Variants in ACSL6 observed in about 807,000 individuals in gnomAD.
The protein encoded by ACSL6 is long-chain-fatty-acid--CoA ligase 6.
In ACSL6, 47 loss-of-function variants were observed where a neutral mutation model predicts 98.2. The ratio of observed to expected loss-of-function variants is 0.48; its 90% CI spans 0.38 to 0.61. The LOEUF (loss-of-function observed/expected upper bound fraction) is 0.61, where lower values mean the gene tolerates loss of function less well. Among genes scored for constraint, ACSL6 ranks in the 20% least tolerant of loss-of-function variants. The probability of loss-of-function intolerance (pLI) is 0.00; values close to 1 mark genes in which losing one functional copy is unlikely to be tolerated. For synonymous variants in ACSL6, 362 were observed against 336.9 expected, an observed-to-expected ratio of 1.07 and a Z score of -0.82; for missense variants, 761 against 913.4, an observed-to-expected ratio of 0.83 and a Z score of 2.15.
At chr5:132,008,271 C>T (rs1475757919) in intron 1 of ACSL6, among the ~76,000 whole-genome samples, 1 of 152,184 alleles carries the variant, frequency 6.6e-6, no homozygotes, top group African/African-American at 2.4e-5. Context: ...CTAATGGGAG[C>T]CCAGAGTGGG....
chr5:131,981,107 C>T (rs1376401532), intron 9 of ACSL6, among the ~76,000 whole-genome samples: 1 of 152,158 alleles, frequency 6.6e-6, no homozygotes, highest in Non-Finnish European at 1.5e-5. Context: ...CATCTCCTCC[C>T]TGGTACTTGG....
Position 131,988,096 on chromosome 5 carries a change from C to G in ACSL6, c.783G>C (p.Glu261Asp). The G allele has an allele frequency of 6.2e-7, 1 of 1,614,212 alleles. No individual in the cohort carries two copies. The highest frequency in any genetic ancestry group is 8.5e-7 in the Non-Finnish European group (1 of 1,180,036). The part of the protein sequence containing the change: ...LMDPFEEALK[E>D]RGQKCGVVIK... ...TGACCACCCCGCACTTCTGCCCTCT[C>G]TCTTTCAGGGCTTCTTCGAATGGGT... Residue 261 changes from glutamate to aspartate, a missense_variant, in exon 7 of 21, where the codon GAG (glutamate) becomes GAC (aspartate). Coordinates refer to ENST00000651883, the MANE Select transcript of ACSL6 (RefSeq NM_001009185.3).
Position 131,952,743 on chromosome 5 carries a change from G to T in ACSL6, c.*1491C>A, listed in dbSNP as rs79565098. ...GGGTGCATCTAAATACATAATGCAAGAAAGGAGGTTTTAGTGGTTAAACTT... is the reference window on the plus strand; with the variant it reads ...GGGTGCATCTAAATACATAATGCAATAAAGGAGGTTTTAGTGGTTAAACTT... On this transcript the variant is annotated 3_prime_UTR_variant, in exon 21 of 21. Transcript: ENST00000651883. 3,206 of 217,650 alleles carry T rather than the reference G, an allele frequency of 0.015. 58 individuals carry two copies. The highest frequency in any genetic ancestry group is 0.045 in the African/African-American group (2,017 of 44,524). The allele number at this position is 217,650 out of a possible 1,614,324, so 13.5% of individuals were successfully genotyped here. A position where few individuals can be genotyped will look rare whatever the true frequency, so the allele number is the denominator to read the frequency against.
rs57391438 is a variant in ACSL6, at chr5:131,989,583, C to CTT, written c.451-77_451-76dup. 254 of 180,586 alleles carry CTT rather than the reference C, an allele frequency of 1.4e-3. 4 individuals are homozygous for CTT. Among genetic ancestry groups the CTT allele is most frequent in the African/African-American group, 5.5e-3 (82 of 14,994 alleles). The allele number at this position is 180,586 out of a possible 1,614,324, so 11.2% of individuals were successfully genotyped here. A position where few individuals can be genotyped will look rare whatever the true frequency, so the allele number is the denominator to read the frequency against. On this transcript the variant is annotated intron_variant, in intron 4 of 20. Coordinates refer to ENST00000651883, the MANE Select transcript of ACSL6 (RefSeq NM_001009185.3). ...GGGAAGGAGATCCCCAGGAGGAATTCTTTTTTTTTTTTTTTTTTTTTTTTT... is the reference window on the plus strand; with the variant it reads ...GGGAAGGAGATCCCCAGGAGGAATTCTTTTTTTTTTTTTTTTTTTTTTTTTTT...
intron 20 of ACSL6, 25 bp from the exon 21 acceptor site, chr5:131,954,396 C>A (rs1326188952): frequency 2.5e-6 from 4 of 1,607,732 alleles, no homozygotes; most frequent in Admixed American, 1.7e-5. Flanking sequence ...CAGAAAACAT[C>A]TTTAACAGGA....
chr5:131,996,554 G>A (rs1036790499), intron 1 of ACSL6, among the ~76,000 whole-genome samples: 1 of 152,182 alleles, frequency 6.6e-6, no homozygotes, highest in Non-Finnish European at 1.5e-5. Context: ...TGCCTAGCAC[G>A]AGGGCTCAGC....
chr5:131,989,755 GGC>G (rs925468353), intron 4 of ACSL6, among the ~76,000 whole-genome samples: 8 of 152,014 alleles, frequency 5.3e-5, no homozygotes, highest in Admixed American at 3.9e-4. Context: ...CACCACACCT[GGC>G]TAATTTTTTG....
At chr5:131,986,991 A>ACACACACAC (rs1304705385) in intron 7 of ACSL6, 137 bp from the exon 8 acceptor site, 22 of 769,954 alleles carry the variant, frequency 2.9e-5, no homozygotes, top group African/African-American at 1.4e-4. Context: ...TCACACACAC[A>ACACACACAC]CACACACACC....
intron 16 of ACSL6, 82 bp downstream of exon 16, chr5:131,967,858 A>C: frequency 7.7e-7 from 1 of 1,290,402 alleles, no homozygotes; most frequent in South Asian, 1.3e-5. Flanking sequence ...AGGCAAAAGG[A>C]AAATCATTCC....
Position 131,976,577 on chromosome 5 carries a change from T to TA in ACSL6, c.990+70dup, listed in dbSNP as rs982994501. 584 of 1,256,836 alleles carry TA rather than the reference T, an allele frequency of 4.6e-4. 2 individuals are homozygous for TA. Among genetic ancestry groups the TA allele is most frequent in the Non-Finnish European group, 5.6e-4 (501 of 896,410 alleles). The allele number at this position is 1,256,836 out of a possible 1,614,324, so 77.9% of individuals were successfully genotyped here. Reference sequence around the variant, plus strand: ...AAAAAAGAAAAAGAAAACAAACAAATAAAAAAAAATCCTCTGAGGCTTGAG... The same window carrying TA: ...AAAAAAGAAAAAGAAAACAAACAAATAAAAAAAAAATCCTCTGAGGCTTGAG... On this transcript the variant is annotated intron_variant, in intron 10 of 20. Coordinates refer to ENST00000651883, the MANE Select transcript of ACSL6 (RefSeq NM_001009185.3).
chr5:131,972,297 T>C (rs1753352515), intron 13 of ACSL6, among the ~76,000 whole-genome samples: 1 of 152,120 alleles, frequency 6.6e-6, no homozygotes. Context: ...GTGTGGGAGA[T>C]ACTAAAGGGA....
intron 19 of ACSL6, 82 bp downstream of exon 19, chr5:131,960,438 G>T (rs1393004745): frequency 1.7e-6 from 2 of 1,154,532 alleles, no homozygotes; most frequent in Non-Finnish European, 2.4e-6. Flanking sequence ...AATTTCACTG[G>T]TCTACAACTT....
In ACSL6 at chr5:131,976,741, A is replaced by G; in HGVS notation, c.917-20T>C. 6.2e-7 allele frequency: 1 copy of G among 1,612,042 alleles called. No homozygotes were observed. The highest frequency in any genetic ancestry group is 8.5e-7 in the Non-Finnish European group (1 of 1,178,116). ...GGTTCCCTATAAAAAGAAAGCAAGA[A>G]GTCAAATTAGTTGGAAACTCAAGGG... On this transcript the variant is annotated intron_variant, in intron 9 of 20. Transcript: ENST00000651883.
chr5:132,011,432 C>A lies in ACSL6; in HGVS notation c.49+73G>T. On this transcript the variant is annotated intron_variant, in intron 1 of 20. Coordinates refer to ENST00000651883, the MANE Select transcript of ACSL6 (RefSeq NM_001009185.3). This position sits in a 1 kb window ranked among gnomAD's most constrained non-coding sequence, Gnocchi z 5.4. ...GCTCGGCGGCCGCGGAGATGTAACA[C>A]CTCCACCTCGGGCGAAGACCTCATA... 2 of 1,502,838 alleles carry A rather than the reference C, an allele frequency of 1.3e-6. No homozygotes were observed. Among genetic ancestry groups the A allele is most frequent in the Non-Finnish European group, 1.8e-6 (2 of 1,082,748 alleles). 93.1% of individuals were successfully genotyped at this position (1,502,838 alleles called of 1,614,324 possible). A position where few individuals can be genotyped will look rare whatever the true frequency, so the allele number is the denominator to read the frequency against.
chr5:132,001,533 C>T (rs146111882), intron 1 of ACSL6, among the ~76,000 whole-genome samples: 123 of 152,298 alleles, frequency 8.1e-4, no homozygotes, highest in South Asian at 6.0e-3. Context: ...ACTGTACATC[C>T]CCCATGAGAT....
At chr5:131,993,688 G>A (rs1754642742) in intron 2 of ACSL6, 1 of 310,316 alleles carries the variant, frequency 3.2e-6, no homozygotes, top group East Asian at 8.3e-5. Flanking sequence ...GACCAGGAGA[G>A]TTTGGGAGGG....
At chr5:132,005,222 T>C (rs572400679) in intron 1 of ACSL6, among the ~76,000 whole-genome samples, 115 of 152,352 alleles carry the variant, frequency 7.5e-4, no homozygotes, top group African/African-American at 2.5e-3. Flanking sequence ...CCAGCCCATC[T>C]GCTGGAAAGC....
chr5:131,953,833 A>G lies in ACSL6; in HGVS notation c.*401T>C. 5.1e-6 allele frequency: 1 copy of G among 198,010 alleles called. No individual in the cohort carries two copies. The highest frequency in any genetic ancestry group is 1.0e-5 in the Non-Finnish European group (1 of 95,454). 12.3% of individuals were successfully genotyped at this position (198,010 alleles called of 1,614,324 possible). ...TTGACAATCAGTTACTGAATGAGGT[A>G]GTCCACATTGCCTAGATATTTGCTG... On this transcript the variant is annotated 3_prime_UTR_variant, in exon 21 of 21. Coordinates refer to ENST00000651883, the MANE Select transcript of ACSL6 (RefSeq NM_001009185.3).
chr5:131,968,904 A>G (rs1753160167), intron 15 of ACSL6, among the ~76,000 whole-genome samples: 1 of 152,228 alleles, frequency 6.6e-6, no homozygotes, highest in Admixed American at 6.5e-5. Context: ...TTCAAGTTTT[A>G]TGCTAAGAGT....
Sources: allele counts gnomAD v4.1 joint callset (sites outside exome capture counted in the v4.1 genomes callset), GRCh38; gene constraint gnomAD v4.1.1; non-coding constraint Gnocchi (gnomAD v3.1); transcripts MANE v1.5; gene names NCBI Gene and HGNC (gene_info 2026-07-23, HGNC 2026-07-21).